The following SGCD variants were observed in gnomAD, a reference collection of about 807,000 sequenced individuals.
SGCD encodes sarcoglycan delta, also known as delta-sarcoglycan.
Under a neutral mutation model 36.6 loss-of-function variants are expected in SGCD, and 18 were observed. The ratio of observed to expected loss-of-function variants is 0.49; its 90% CI spans 0.34 to 0.73. SGCD has a LOEUF of 0.73. Among genes scored for constraint, SGCD ranks in the 30% least tolerant of loss-of-function variants. SGCD has a pLI of 0.01. For missense variants in SGCD, 387 were observed against 346.7 expected, an observed-to-expected ratio of 1.12 and a Z score of -0.92; for synonymous variants, 133 against 130.6, an observed-to-expected ratio of 1.02 and a Z score of -0.12.
At chr5:155,998,079 G>A (rs538325356) in intron 1 of SGCD, among the ~76,000 whole-genome samples, 1 of 152,332 alleles carries the variant, frequency 6.6e-6, no homozygotes, top group South Asian at 2.1e-4. Flanking sequence ...ACTGTCTAGT[G>A]TGTTACAATG....
At chr5:156,217,130 G>A (rs1322767658) in intron 3 of SGCD, among the ~76,000 whole-genome samples, 1 of 152,114 alleles carries the variant, frequency 6.6e-6, no homozygotes, top group Non-Finnish European at 1.5e-5. Flanking sequence ...AATGTCGCAT[G>A]TTAATAGTAA....
intron 3 of SGCD, among the ~76,000 whole-genome samples, chr5:156,485,910 C>A (rs1169376461): frequency 2.6e-5 from 4 of 152,130 alleles, no homozygotes; most frequent in Non-Finnish European, 4.4e-5. Flanking sequence ...AGATCCCCAG[C>A]AGTTCATGTT....
chr5:156,094,163 C>T (rs141870752), intron 1 of SGCD, among the ~76,000 whole-genome samples: 20 of 152,164 alleles, frequency 1.3e-4, no homozygotes, highest in Non-Finnish European at 2.6e-4. Flanking sequence ...GGGGGAGAGG[C>T]GGTACTGTGG....
intron 4 of SGCD, among the ~76,000 whole-genome samples, chr5:156,566,525 C>T (rs1172526003): frequency 6.6e-6 from 1 of 152,058 alleles, no homozygotes; most frequent in Non-Finnish European, 1.5e-5. Context: ...ACCTGCTTTC[C>T]CAAAAGTTAG....
intron 7 of SGCD, among the ~76,000 whole-genome samples, chr5:156,704,772 T>TG (rs1251766360): frequency 6.6e-6 from 1 of 152,120 alleles, no homozygotes; most frequent in Non-Finnish European, 1.5e-5. Flanking sequence ...TAAAATACAG[T>TG]GAAATATTAG....
intron 7 of SGCD, among the ~76,000 whole-genome samples, chr5:156,707,179 T>A (rs752426176): frequency 3.0e-4 from 45 of 152,202 alleles, no homozygotes; most frequent in Admixed American, 1.3e-4. Context: ...CCAGACATTT[T>A]TATATATAAA....
At chr5:156,397,259 G>A (rs1442881320) in intron 3 of SGCD, among the ~76,000 whole-genome samples, 2 of 152,128 alleles carry the variant, frequency 1.3e-5, no homozygotes, top group African/African-American at 4.8e-5. Flanking sequence ...AGGGCAGTCG[G>A]TCTGCAAACT....
the SGCD span, among the ~76,000 whole-genome samples, chr5:155,730,445 C>CTGTGTGTGTGTGTGTGTGTGTGTGTGTG: frequency 3.0e-3 from 411 of 137,270 alleles, 5 homozygotes; most frequent in Middle Eastern, 7.6e-3. Flanking sequence ...GGTAGAGCAG[C>CTGTGTGTGTGTGTGTGTGTGTGTGTGTG]TGTGTGTGTG....
At chr5:156,706,068 C>G (rs281060) in intron 7 of SGCD, among the ~76,000 whole-genome samples, 139,678 of 152,218 alleles carry the variant, frequency 0.92, 64,248 homozygotes, top group East Asian at 0.99. Flanking sequence ...TCTCTATGAA[C>G]GATAGAGAAG....
At chr5:156,047,294 T>G (rs918554592) in intron 1 of SGCD, among the ~76,000 whole-genome samples, 5 of 152,074 alleles carry the variant, frequency 3.3e-5, no homozygotes, top group Admixed American at 6.6e-5. Context: ...CCACGCAAGA[T>G]CATCGATGAA....
intron 3 of SGCD, among the ~76,000 whole-genome samples, chr5:156,364,906 A>G (rs1164455300): frequency 1.3e-5 from 2 of 152,184 alleles, no homozygotes; most frequent in Admixed American, 6.5e-5. Flanking sequence ...TTCACAAGCT[A>G]TGAGACCTTG....
intron 3 of SGCD, among the ~76,000 whole-genome samples, chr5:156,406,044 G>T (rs1417969632): frequency 9.8e-5 from 8 of 81,916 alleles, no homozygotes; most frequent in African/African-American, 4.6e-4. Flanking sequence ...AGGCCTCTGG[G>T]CATAAATCCC....
intron 3 of SGCD, among the ~76,000 whole-genome samples, chr5:156,211,192 C>G (rs1455525899): frequency 6.6e-6 from 1 of 151,972 alleles, no homozygotes; most frequent in African/African-American, 2.4e-5. Flanking sequence ...ACAAAGAATA[C>G]TTTACCTGGC....
At chr5:155,943,541 T>G (rs1190603763) in intron 1 of SGCD, among the ~76,000 whole-genome samples, 1 of 152,188 alleles carries the variant, frequency 6.6e-6, no homozygotes, top group Non-Finnish European at 1.5e-5. Flanking sequence ...TAATAACTAA[T>G]TTTAAAAATT....
At chr5:156,700,693 C>G (rs568515812) in intron 7 of SGCD, among the ~76,000 whole-genome samples, 4 of 152,142 alleles carry the variant, frequency 2.6e-5, no homozygotes, top group Non-Finnish European at 5.9e-5. Flanking sequence ...CCTGTAATCC[C>G]AGAACTTTGG....
intron 6 of SGCD, among the ~76,000 whole-genome samples, chr5:156,616,099 C>CT (rs1175654044): frequency 5.3e-5 from 8 of 150,850 alleles, no homozygotes; most frequent in Non-Finnish European, 1.2e-4. Flanking sequence ...GAAACCAAAA[C>CT]TTAGTCTCTC....
intron 1 of SGCD, among the ~76,000 whole-genome samples, chr5:155,982,763 G>C: frequency 6.6e-6 from 1 of 152,108 alleles, no homozygotes. Context: ...TGAATGACTC[G>C]GTCTGGGCTG....
chr5:156,515,960 G>A (rs1224417342), intron 4 of SGCD, among the ~76,000 whole-genome samples: 1 of 152,258 alleles, frequency 6.6e-6, no homozygotes, highest in African/African-American at 2.4e-5. Context: ...TCACCAGGCA[G>A]GGCCTCCCTG....
intron 7 of SGCD, among the ~76,000 whole-genome samples, chr5:156,702,736 T>A (rs1312739128): frequency 3.4e-4 from 52 of 152,178 alleles, no homozygotes; most frequent in Admixed American, 3.3e-3. Context: ...TTACTATGAG[T>A]GGGAGACAAT....
Sources: gnomAD v4.1 joint callset for allele counts (sites outside exome capture counted in the v4.1 genomes callset) on GRCh38, gnomAD v4.1.1 for gene constraint, MANE v1.5 for transcripts, NCBI Gene and HGNC (gene_info 2026-07-23, HGNC 2026-07-21) for gene names.